SLC2A9: variants seen among roughly 807,000 people sequenced by gnomAD.
SLC2A9 encodes solute carrier family 2, facilitated glucose transporter member 9.
SLC2A9 carries 39 observed loss-of-function variants against 50.6 expected under a neutral mutation model. The ratio of observed to expected loss-of-function variants is 0.77; its 90% confidence interval spans 0.60 to 1.01. The LOEUF (loss-of-function observed/expected upper bound fraction) is 1.01. Among genes scored for constraint, SLC2A9 ranks in the 50% least tolerant of loss-of-function variants. The pLI, the probability that SLC2A9 is intolerant of heterozygous loss-of-function variation, is 0.00. For missense variants in SLC2A9, 686 were observed against 677.6 expected, an observed-to-expected ratio of 1.01 and a Z score of -0.14; for synonymous variants, 324 against 276.9, an observed-to-expected ratio of 1.17 and a Z score of -1.69.
At chr4:9,962,560 C>T (rs904876601) in intron 5 of SLC2A9, among the ~76,000 whole-genome samples, 1 of 151,974 alleles carries the variant, frequency 6.6e-6, no homozygotes, top group Non-Finnish European at 1.5e-5. Flanking sequence ...CACACTGGGG[C>T]CTATCGGGGG....
intron 2 of SLC2A9, 100 bp from the exon 3 acceptor site, chr4:9,997,041 A>T (rs1488824687): frequency 7.4e-7 from 1 of 1,357,514 alleles, no homozygotes; most frequent in Non-Finnish European, 1.1e-6. Flanking sequence ...GAGCATTTTC[A>T]TGCATAGCAC....
rs573249071 is a variant in SLC2A9, at chr4:9,998,975, C to G, written c.250-2034G>C. On this transcript the variant is annotated intron_variant, in intron 2 of 11. Transcript: ENST00000264784. Reference sequence around the variant, plus strand: ...AATTTTTTGGAGAATTATATATAGACGGTAAAACTACAAAGAAAGAATTAT... The same window carrying G: ...AATTTTTTGGAGAATTATATATAGAGGGTAAAACTACAAAGAAAGAATTAT... 6.6e-5 allele frequency among the ~76,000 whole-genome samples: 10 copies of G among 151,082 alleles called. No homozygotes were observed. The Admixed American group carries it at 6.6e-4, about 10-fold the overall frequency.
intron 3 of SLC2A9, among the ~76,000 whole-genome samples, chr4:9,814,165 G>T (rs895755345): frequency 2.6e-5 from 4 of 151,916 alleles, no homozygotes; most frequent in African/African-American, 7.3e-5. Flanking sequence ...ATGGATAGAA[G>T]TTATCCAAGT....
chr4:9,835,904 T>C (rs1281517546), intron 10 of SLC2A9, among the ~76,000 whole-genome samples: 2 of 151,896 alleles, frequency 1.3e-5, no homozygotes, highest in African/African-American at 4.8e-5. Flanking sequence ...CTGACTAACA[T>C]GGTGAAACCC....
intron 3 of SLC2A9, among the ~76,000 whole-genome samples, chr4:9,990,802 A>C (rs572404331): frequency 1.3e-5 from 2 of 152,238 alleles, no homozygotes; most frequent in South Asian, 2.1e-4. Flanking sequence ...CCCATCATGA[A>C]CCCAAGTTTC....
At chr4:10,019,885 A>T (rs576507059) in intron 1 of SLC2A9, among the ~76,000 whole-genome samples, 10 of 152,356 alleles carry the variant, frequency 6.6e-5, no homozygotes, top group Non-Finnish European at 1.2e-4. Flanking sequence ...GCCATAGGGC[A>T]GAAACACCTG....
chr4:9,810,963 A>C (rs1208393658), intron 3 of SLC2A9, among the ~76,000 whole-genome samples: 1 of 152,238 alleles, frequency 6.6e-6, no homozygotes, highest in Non-Finnish European at 1.5e-5. Context: ...TCTTCCAAAC[A>C]AACTTTTCCA....
At position 10,019,075 on chromosome 4, in the gene SLC2A9, T is replaced by A; in HGVS notation, c.151-2A>T. The A allele has an allele frequency of 6.4e-7, 1 of 1,551,094 alleles. No homozygotes were observed. The highest frequency in any genetic ancestry group is 1.4e-5 in the African/African-American group (1 of 73,136). On this transcript the variant is annotated splice_acceptor_variant, in intron 1 of 11. Coordinates refer to ENST00000264784, the MANE Select transcript of SLC2A9 (RefSeq NM_020041.3). LOFTEE classifies it high-confidence loss of function. ...CACGAGGAGCGAGCAGGACCAGTCC[T>A]GAGGGGAGAGGAAACCACGTCAGAG...
At chr4:9,922,367 G>T (rs1744096922) in intron 6 of SLC2A9, among the ~76,000 whole-genome samples, 1 of 152,122 alleles carries the variant, frequency 6.6e-6, no homozygotes. Context: ...GCTAATGCAT[G>T]CAGGGCTTAA....
chr4:9,876,880 T>C (rs1734395900), intron 10 of SLC2A9, among the ~76,000 whole-genome samples: 1 of 152,230 alleles, frequency 6.6e-6, no homozygotes, highest in African/African-American at 2.4e-5. Context: ...TCCTGAGCAA[T>C]GGCTACTATT....
At chr4:9,919,389 G>A (rs1743486750) in intron 7 of SLC2A9, among the ~76,000 whole-genome samples, 1 of 152,212 alleles carries the variant, frequency 6.6e-6, no homozygotes, top group South Asian at 2.1e-4. Context: ...GTTGTTGAAA[G>A]GAGGTGGAAC....
downstream of SLC2A9, among the ~76,000 whole-genome samples, chr4:9,825,107 C>A (rs1483308028): frequency 6.6e-6 from 1 of 152,200 alleles, no homozygotes; most frequent in South Asian, 2.1e-4. Flanking sequence ...TGGCCCCACT[C>A]CTATGAGATA....
intron 3 of SLC2A9, chr4:9,783,515 A>G (rs766615396): frequency 6.7e-7 from 1 of 1,497,588 alleles, no homozygotes; most frequent in Admixed American, 2.0e-5. Flanking sequence ...AGACATTGAC[A>G]AGCACGCACA....
intron 10 of SLC2A9, among the ~76,000 whole-genome samples, chr4:9,849,760 A>G: frequency 6.6e-6 from 1 of 152,174 alleles, no homozygotes; most frequent in East Asian, 1.9e-4. Flanking sequence ...ACAAACCTAC[A>G]GTGATGTGTT....
At chr4:9,875,729 C>T (rs145944752) in intron 10 of SLC2A9, among the ~76,000 whole-genome samples, 2 of 152,292 alleles carry the variant, frequency 1.3e-5, no homozygotes, top group African/African-American at 4.8e-5. Context: ...TCCCCTTTTC[C>T]CCCCAGTGAC....
intron 5 of SLC2A9, among the ~76,000 whole-genome samples, chr4:9,953,647 G>C (rs1158901721): frequency 6.6e-6 from 1 of 152,164 alleles, no homozygotes; most frequent in African/African-American, 2.4e-5. Context: ...TTTTGAGACA[G>C]GGTCTCACTC....
intron 3 of SLC2A9, among the ~76,000 whole-genome samples, chr4:9,790,734 C>T (rs560894638): frequency 9.9e-5 from 15 of 152,260 alleles, no homozygotes; most frequent in African/African-American, 3.6e-4. Flanking sequence ...TTAGTTAAAT[C>T]TGAATTTCTA....
intron 5 of SLC2A9, among the ~76,000 whole-genome samples, chr4:9,959,625 G>A (rs945634813): frequency 6.6e-6 from 1 of 152,192 alleles, no homozygotes; most frequent in African/African-American, 2.4e-5. Flanking sequence ...GTCACTATAA[G>A]CCTTTTAGCA....
chr4:9,970,468 G>A lies in SLC2A9; in HGVS notation c.681+10124C>T, dbSNP rs75627030. On this transcript the variant is annotated intron_variant, in intron 5 of 11. Transcript: ENST00000264784. ...ACAGAAGCTGGGCATCCCTGCTTTG[G>A]GGTGGACCAGGAGGGGCACAGCCTG... Among the ~76,000 whole-genome samples, 1,436 of 152,198 alleles carry A rather than the reference G, an allele frequency of 9.4e-3. 27 individuals carry two copies. The highest frequency in any genetic ancestry group is 0.033 in the African/African-American group (1,385 of 41,520).
Sources: gnomAD v4.1 joint callset for allele counts (sites outside exome capture counted in the v4.1 genomes callset) on GRCh38, gnomAD v4.1.1 for gene constraint, MANE v1.5 for transcripts, NCBI Gene and HGNC (gene_info 2026-07-23, HGNC 2026-07-21) for gene names.